Variants in FRMD4B observed in about 807,000 individuals in gnomAD.
FRMD4B encodes the protein FERM domain containing 4B.
In FRMD4B, 74 loss-of-function variants were observed where a neutral mutation model predicts 141.5. The ratio of observed to expected loss-of-function variants is 0.52; its 90% CI spans 0.43 to 0.63. The LOEUF is 0.63. Ranked by LOEUF, FRMD4B falls within the 30% of genes least tolerant of loss-of-function variation. The pLI, the probability that FRMD4B is intolerant of heterozygous loss-of-function variation, is 0.00. For synonymous variants in FRMD4B, 506 were observed against 467.9 expected, an observed-to-expected ratio of 1.08 and a Z score of -1.05; for missense variants, 1,366 against 1,253.4, an observed-to-expected ratio of 1.09 and a Z score of -1.36.
At chr3:69,178,960 C>T (rs1304985384) in intron 21 of FRMD4B, among the ~76,000 whole-genome samples, 2 of 151,756 alleles carry the variant, frequency 1.3e-5, no homozygotes, top group Non-Finnish European at 2.9e-5. Context: ...CCGAGAGATC[C>T]TTCAGGTGGC....
intron 7 of FRMD4B, among the ~76,000 whole-genome samples, chr3:69,227,630 C>A (rs1398571084): frequency 6.6e-6 from 1 of 150,704 alleles, no homozygotes; most frequent in African/African-American, 2.4e-5. Flanking sequence ...CCATTGCACT[C>A]CAGCCTGGGG....
intron 7 of FRMD4B, among the ~76,000 whole-genome samples, chr3:69,242,007 T>C (rs893241735): frequency 1.3e-5 from 2 of 152,208 alleles, no homozygotes; most frequent in African/African-American, 4.8e-5. Flanking sequence ...AGTAAGCTAC[T>C]TAACAGCTAC....
rs1354278449 is a variant in FRMD4B at position 69,171,750 on chromosome 3, C to A, written c.*111G>T. On this transcript the variant is annotated 3_prime_UTR_variant, in exon 23 of 23. Transcript: ENST00000398540. Reference sequence around the variant, plus strand: ...CAGGGCAACTAAGTCTTCTCTTCAACCTTTGATGTCTTTAGGTTTCTAAAA... The same window carrying A: ...CAGGGCAACTAAGTCTTCTCTTCAAACTTTGATGTCTTTAGGTTTCTAAAA... 5 of 1,040,118 alleles carry A rather than the reference C, an allele frequency of 4.8e-6. No homozygotes were observed. The highest frequency in any genetic ancestry group is 2.4e-5 in the East Asian group (1 of 41,278). 64.4% of individuals were successfully genotyped at this position (1,040,118 alleles called of 1,614,324 possible).
chr3:69,459,343 C>T (rs1403538957), intron 1 of FRMD4B, among the ~76,000 whole-genome samples: 1 of 152,072 alleles, frequency 6.6e-6, no homozygotes, highest in Non-Finnish European at 1.5e-5. Flanking sequence ...CTGGTAATAG[C>T]TCAAATACTC....
intron 1 of FRMD4B, among the ~76,000 whole-genome samples, chr3:69,348,405 A>G (rs1221641710): frequency 6.6e-6 from 1 of 152,232 alleles, no homozygotes; most frequent in East Asian, 1.9e-4. Flanking sequence ...TACCAGAGGT[A>G]CAAGGAGGAA....
intron 1 of FRMD4B, among the ~76,000 whole-genome samples, chr3:69,484,235 G>T (rs1050082313): frequency 1.3e-5 from 2 of 152,334 alleles, no homozygotes; most frequent in Non-Finnish European, 2.9e-5. Flanking sequence ...TCAAGACAAA[G>T]AAGTGGTCAT....
At chr3:69,282,810 G>C (rs917792602) in intron 5 of FRMD4B, among the ~76,000 whole-genome samples, 11 of 151,848 alleles carry the variant, frequency 7.2e-5, no homozygotes, top group Admixed American at 2.6e-4. Flanking sequence ...GCTAATTGTT[G>C]TATTTTTGTA....
In FRMD4B at chr3:69,381,002, AAGG is replaced by A. The variant is rs372746873; in HGVS notation, c.162+4823_162+4825del. ...AACAAAACCCATCCAGGCAAGATATAAGGAGGACAGGGATATGGCTGATGAATC... is the reference window on the plus strand; with the variant it reads ...AACAAAACCCATCCAGGCAAGATATAAGGACAGGGATATGGCTGATGAATC... On this transcript the variant is annotated intron_variant, in intron 1 of 22. Coordinates refer to ENST00000398540, the MANE Select transcript of FRMD4B (RefSeq NM_015123.3). Among the ~76,000 whole-genome samples the A allele has an allele frequency of 9.5e-4, 145 of 152,328 alleles. 1 individual carries two copies. Among genetic ancestry groups the A allele is most frequent in the African/African-American group, 3.3e-3 (137 of 41,574 alleles).
chr3:69,244,220 G>A (rs4580564), intron 7 of FRMD4B, among the ~76,000 whole-genome samples: 9,809 of 152,138 alleles, frequency 0.064, 457 homozygotes, highest in African/African-American at 0.14. Context: ...GGAAAGGAAA[G>A]GGGAAATCCT....
chr3:69,433,305 C>T (rs767247478), intron 1 of FRMD4B, among the ~76,000 whole-genome samples: 5 of 152,178 alleles, frequency 3.3e-5, no homozygotes, highest in Non-Finnish European at 5.9e-5. Context: ...TTCTCATTCT[C>T]CCTACTACAG....
intron 1 of FRMD4B, among the ~76,000 whole-genome samples, chr3:69,364,500 C>T (rs1322898308): frequency 1.3e-5 from 2 of 152,188 alleles, no homozygotes; most frequent in Non-Finnish European, 2.9e-5. Flanking sequence ...TGCAGCAATT[C>T]CAGTTTGCCT....
At chr3:69,335,472 A>C (rs1264777172) in intron 1 of FRMD4B, among the ~76,000 whole-genome samples, 3 of 151,376 alleles carry the variant, frequency 2.0e-5, no homozygotes, top group African/African-American at 7.3e-5. Flanking sequence ...TCCCGGTTCA[A>C]GCAATTCTCC....
chr3:69,270,853 C>T (rs187122699), intron 5 of FRMD4B, among the ~76,000 whole-genome samples: 11 of 152,152 alleles, frequency 7.2e-5, no homozygotes, highest in Admixed American at 3.9e-4. Flanking sequence ...TGTGAGCCAC[C>T]GTGCCCAGCC....
chr3:69,370,693 C>A (rs1173443427), intron 1 of FRMD4B, among the ~76,000 whole-genome samples: 1 of 152,220 alleles, frequency 6.6e-6, no homozygotes, highest in Non-Finnish European at 1.5e-5. Context: ...TGCCTTCGGG[C>A]AGAGTTCTGC....
Position 69,182,627 on chromosome 3 carries a change from G to A in FRMD4B, c.2010C>T (p.Thr670=), listed in dbSNP as rs765623574. The change falls in exon 20 of 23, where the codon ACC becomes ACT. Residue 670 remains threonine, a synonymous_variant. Coordinates refer to ENST00000398540, the MANE Select transcript of FRMD4B (RefSeq NM_015123.3). ...AGTGGCTGCTGCTGTAGGCGTTTCG[G>A]GTAAGAACTGGCGTGGTGGGCATGC... is the stretch of plus-strand genomic sequence containing the variant. ...GRSMPTTPVL[T]RNAYSSSHLE... 5 of 1,613,290 alleles carry A rather than the reference G, an allele frequency of 3.1e-6. No individual in the cohort carries two copies. Among genetic ancestry groups the A allele is most frequent in the South Asian group, 1.1e-5 (1 of 91,026 alleles).
At chr3:69,361,239 C>T (rs573535095) in intron 1 of FRMD4B, among the ~76,000 whole-genome samples, 2 of 152,082 alleles carry the variant, frequency 1.3e-5, no homozygotes, top group East Asian at 1.9e-4. Flanking sequence ...TTTCCAAGTC[C>T]TTGTGACATG....
At chr3:69,427,952 C>T (rs1421997900) in intron 2 of FRMD4B, among the ~76,000 whole-genome samples, 1 of 152,016 alleles carries the variant, frequency 6.6e-6, no homozygotes, top group East Asian at 1.9e-4. Context: ...AGCCACCACG[C>T]CCAGCCAAGA....
chr3:69,175,082 G>A (rs565307648), intron 22 of FRMD4B, among the ~76,000 whole-genome samples: 61 of 152,106 alleles, frequency 4.0e-4, no homozygotes, highest in Non-Finnish European at 5.4e-4. Flanking sequence ...AAAAAAAAAG[G>A]CATTTGGGGC....
intron 1 of FRMD4B, among the ~76,000 whole-genome samples, chr3:69,499,053 C>T (rs1049172663): frequency 2.6e-5 from 4 of 152,092 alleles, no homozygotes; most frequent in Non-Finnish European, 5.9e-5. Context: ...CTTTGTAAAA[C>T]AAAGACACTG....
Sources: gnomAD v4.1 joint callset for allele counts (sites outside exome capture counted in the v4.1 genomes callset) on GRCh38, gnomAD v4.1.1 for gene constraint, MANE v1.5 for transcripts, NCBI Gene and HGNC (gene_info 2026-07-23, HGNC 2026-07-21) for gene names.